The following EPHA6 variants were observed in gnomAD, a reference collection of about 807,000 sequenced individuals.
EPHA6 encodes ephrin type-A receptor 6.
A neutral mutation model predicts 112.0 loss-of-function variants in EPHA6; 50 were observed. The ratio of observed to expected loss-of-function variants is 0.45; its 90% CI spans 0.36 to 0.56. The LOEUF is 0.56. Ranked by LOEUF, EPHA6 falls within the 20% of genes least tolerant of loss-of-function variation. EPHA6 has a pLI of 0.00. For synonymous variants in EPHA6, 529 were observed against 490.7 expected (o/e 1.08, Z -1.03); for missense variants, 1,280 against 1,417.4 (o/e 0.90, Z 1.56).
chr3:96,892,052 G>C (rs1410255199), intron 2 of EPHA6, among the ~76,000 whole-genome samples: 1 of 152,116 alleles, frequency 6.6e-6, no homozygotes, highest in Non-Finnish European at 1.5e-5. Context: ...TGATTTATTT[G>C]TAAATAACAT....
chr3:97,532,666 C>A, intron 11 of EPHA6, 123 bp downstream of exon 11: 1 of 789,094 alleles, frequency 1.3e-6, no homozygotes, highest in Non-Finnish European at 1.9e-6. Context: ...CAGATATCAT[C>A]ACCCCCTCAG....
intron 14 of EPHA6, among the ~76,000 whole-genome samples, chr3:97,655,769 G>A (rs1421757435): frequency 1.5e-5 from 2 of 137,494 alleles, no homozygotes; most frequent in Admixed American, 1.5e-4. Flanking sequence ...AGTGGGGGGA[G>A]GGGGGAGGGA....
At chr3:97,377,153 T>G (rs1240308935) in intron 5 of EPHA6, among the ~76,000 whole-genome samples, 1 of 152,186 alleles carries the variant, frequency 6.6e-6, no homozygotes, top group African/African-American at 2.4e-5. Flanking sequence ...CATCTTGAAT[T>G]GTCCTCCCAC....
intron 2 of EPHA6, among the ~76,000 whole-genome samples, chr3:96,912,874 G>A (rs957919289): frequency 1.3e-5 from 2 of 152,048 alleles, no homozygotes; most frequent in African/African-American, 2.4e-5. Flanking sequence ...TTCCAGGCAT[G>A]AGCCACTGTA....
intron 3 of EPHA6, among the ~76,000 whole-genome samples, chr3:97,062,726 C>T (rs560781110): frequency 8.5e-5 from 13 of 152,266 alleles, no homozygotes; most frequent in Admixed American, 7.2e-4. Context: ...GGTTCTCATT[C>T]TCTCTTGCCT....
At chr3:97,722,479 C>T (rs1282519350) in intron 15 of EPHA6, among the ~76,000 whole-genome samples, 1 of 152,002 alleles carries the variant, frequency 6.6e-6, no homozygotes, top group Non-Finnish European at 1.5e-5. Context: ...GAAAATAATT[C>T]CAATAAACTT....
At chr3:97,429,603 C>T (rs1038701457) in intron 6 of EPHA6, among the ~76,000 whole-genome samples, 2 of 151,960 alleles carry the variant, frequency 1.3e-5, no homozygotes, top group Non-Finnish European at 2.9e-5. Context: ...TGTTTCTTTT[C>T]ACCTATAGCA....
chr3:97,415,803 C>T (rs2088077404), intron 6 of EPHA6, among the ~76,000 whole-genome samples: 1 of 152,048 alleles, frequency 6.6e-6, no homozygotes, highest in African/African-American at 2.4e-5. Context: ...GAAAAAATTA[C>T]TCCAGTGAAT....
chr3:97,544,042 G>T (rs538715116), intron 11 of EPHA6, among the ~76,000 whole-genome samples: 19 of 152,254 alleles, frequency 1.2e-4, no homozygotes, highest in South Asian at 6.2e-4. Flanking sequence ...TGCCAACAGG[G>T]ACAATTTGAC....
chr3:97,748,815 G>T lies in EPHA6; in HGVS notation c.*114G>T. The T allele has an allele frequency of 1.5e-6, 1 of 687,900 alleles. No homozygotes were observed. Among genetic ancestry groups the T allele is most frequent in the Non-Finnish European group, 2.7e-6 (1 of 377,160 alleles). 42.6% of individuals were successfully genotyped at this position (687,900 alleles called of 1,614,324 possible). ...ATCACTTCACAAACTGCAGTCTTCT[G>T]TTCAGACTATAGGCACACACCTTAT... On this transcript the variant is annotated 3_prime_UTR_variant, in exon 18 of 18. Coordinates refer to ENST00000389672, the MANE Select transcript of EPHA6 (RefSeq NM_001080448.3).
chr3:97,467,696 G>T (rs1037027911), intron 7 of EPHA6, among the ~76,000 whole-genome samples: 1 of 151,674 alleles, frequency 6.6e-6, no homozygotes, highest in African/African-American at 2.4e-5. Flanking sequence ...TCAACTGCCA[G>T]TAACAATATG....
intron 3 of EPHA6, among the ~76,000 whole-genome samples, chr3:97,041,070 A>C (rs913470346): frequency 1.3e-5 from 2 of 152,056 alleles, no homozygotes; most frequent in African/African-American, 4.8e-5. Context: ...AAAGTTTGAG[A>C]TGAATTAGCG....
chr3:97,226,546 T>A, intron 4 of EPHA6, 127 bp downstream of exon 4: 1 of 868,970 alleles, frequency 1.2e-6, no homozygotes, highest in Non-Finnish European at 1.7e-6. Context: ...GTGATAACAG[T>A]CAAGGAAAAA....
At chr3:97,364,806 A>G (rs1268376856) in intron 5 of EPHA6, among the ~76,000 whole-genome samples, 2 of 152,182 alleles carry the variant, frequency 1.3e-5, no homozygotes, top group African/African-American at 4.8e-5. Flanking sequence ...AAAATTTAGA[A>G]AATTATTTTT....
rs149596009 is a variant in EPHA6 at position 97,450,922 on chromosome 3, A to C, written c.1894+2192A>C. On this transcript the variant is annotated intron_variant, in intron 7 of 17. Coordinates refer to ENST00000389672, the MANE Select transcript of EPHA6 (RefSeq NM_001080448.3). Reference sequence around the variant, plus strand: ...ATATGGTGGCAGCATAGTGAAGATGACTACTACTTCAGCACACATGGGTGG... The same window carrying C: ...ATATGGTGGCAGCATAGTGAAGATGCCTACTACTTCAGCACACATGGGTGG... Among the ~76,000 whole-genome samples the C allele has an allele frequency of 2.9e-3, 441 of 152,174 alleles. 3 individuals are homozygous for C. Among genetic ancestry groups the C allele is most frequent in the African/African-American group, 0.01 (427 of 41,548 alleles).
intron 5 of EPHA6, among the ~76,000 whole-genome samples, chr3:97,273,331 G>T (rs1227534728): frequency 2.0e-5 from 3 of 152,160 alleles, no homozygotes; most frequent in Non-Finnish European, 4.4e-5. Flanking sequence ...TGGAGAATCA[G>T]TATAAACCGG....
Position 96,833,491 on chromosome 3 carries a change from G to A in EPHA6, c.385+18483G>A, listed in dbSNP as rs74825871. 1.3e-3 allele frequency among the ~76,000 whole-genome samples: 192 copies of A among 152,026 alleles called. 3 individuals are homozygous for A. The East Asian group carries it at 0.032, about 25-fold the overall frequency. ...CAGTTTGTGGTACTTTGCCATAGCA[G>A]CTCTAGCAAACTAGTTTACAGAGTA... On this transcript the variant is annotated intron_variant, in intron 1 of 17. Transcript: ENST00000389672.
At chr3:97,389,467 G>C (rs1444659643) in intron 5 of EPHA6, among the ~76,000 whole-genome samples, 4 of 152,070 alleles carry the variant, frequency 2.6e-5, no homozygotes, top group African/African-American at 7.2e-5. Context: ...TTTATTTTTT[G>C]AAATTAATGT....
intron 1 of EPHA6, among the ~76,000 whole-genome samples, chr3:96,838,102 A>G (rs901432718): frequency 7.9e-6 from 1 of 125,858 alleles, no homozygotes; most frequent in Non-Finnish European, 1.6e-5. Flanking sequence ...CAATGTGTCC[A>G]TATGTTTACA....
Sources: gnomAD v4.1 joint callset for allele counts (sites outside exome capture counted in the v4.1 genomes callset) on GRCh38, gnomAD v4.1.1 for gene constraint, MANE v1.5 for transcripts, NCBI Gene and HGNC (gene_info 2026-07-23, HGNC 2026-07-21) for gene names.